Variants in BCAR3 observed in about 807,000 individuals in gnomAD.
The protein encoded by BCAR3 is breast cancer anti-estrogen resistance protein 3.
Under a neutral mutation model 80.1 loss-of-function variants are expected in BCAR3, and 37 were observed. The ratio of observed to expected loss-of-function variants is 0.46; its 90% CI spans 0.36 to 0.61. The LOEUF (loss-of-function observed/expected upper bound fraction) is 0.61, where lower values mean the gene tolerates loss of function less well. BCAR3 is among the 20% of genes least tolerant of loss of function. BCAR3 has a pLI of 0.00. For missense variants in BCAR3, 978 were observed against 1,068.2 expected (o/e 0.92, Z 1.18); for synonymous variants, 389 against 418.9 (o/e 0.93, Z 0.87).
chr1:93,790,651 ATTT>A, intron 2 of BCAR3, among the ~76,000 whole-genome samples: 1 of 83,546 alleles, frequency 1.2e-5, no homozygotes, highest in Admixed American at 1.3e-4. Context: ...TTTTTTCTTA[ATTT>A]TTTTTTTTTT....
chr1:93,593,896 CCTT>C (rs1674314704), intron 3 of BCAR3, among the ~76,000 whole-genome samples: 1 of 152,152 alleles, frequency 6.6e-6, no homozygotes, highest in Non-Finnish European at 1.5e-5. Flanking sequence ...ACTTCTCCCT[CCTT>C]CTCACTGGGC....
At chr1:93,750,257 G>A (rs1651510517) in intron 2 of BCAR3, among the ~76,000 whole-genome samples, 1 of 152,170 alleles carries the variant, frequency 6.6e-6, no homozygotes, top group Non-Finnish European at 1.5e-5. Context: ...CTGCATTTCA[G>A]GCACCAGCGA....
Position 93,562,252 on chromosome 1 carries a change from C to T in BCAR3, c.2467G>A (p.Ala823Thr). The T allele has an allele frequency of 6.2e-7, 1 of 1,613,524 alleles. No individual in the cohort carries two copies. The highest frequency in any genetic ancestry group is 8.5e-7 in the Non-Finnish European group (1 of 1,179,664). Residue 823 changes from alanine to threonine, a missense_variant, in exon 12 of 12, where the codon GCA becomes ACA. Transcript: ENST00000260502. ...RKLEPPPVKQ[A>T]EL Reference sequence around the variant, plus strand: ...TCTCTGGAGAGTTATCAAAGCTCTGCCTGCTTTACAGGAGGAGGTTCCAAT... The same window carrying T: ...TCTCTGGAGAGTTATCAAAGCTCTGTCTGCTTTACAGGAGGAGGTTCCAAT...
intron 2 of BCAR3, among the ~76,000 whole-genome samples, chr1:93,781,407 C>T (rs546752905): frequency 8.5e-5 from 13 of 152,232 alleles, no homozygotes; most frequent in Admixed American, 7.2e-4. Flanking sequence ...ATAAAGGAAC[C>T]GGGCAGCGGG....
At chr1:93,847,229 G>A (rs1655248315), upstream of BCAR3, 1 of 188,884 alleles carries the variant, frequency 5.3e-6, no homozygotes. Context: ...GACCTGGTAG[G>A]CGGGGCGCTT....
At chr1:93,569,338 C>T (rs537410958) in intron 9 of BCAR3, among the ~76,000 whole-genome samples, 1 of 152,318 alleles carries the variant, frequency 6.6e-6, no homozygotes, top group African/African-American at 2.4e-5. Context: ...ATTTACTTGG[C>T]CTTGAAGAGC....
chr1:93,568,401 G>A (rs999964754), intron 9 of BCAR3, among the ~76,000 whole-genome samples: 2 of 152,144 alleles, frequency 1.3e-5, no homozygotes, highest in Admixed American at 1.3e-4. Context: ...AGCCTGGCCT[G>A]CTGGCCAGTC....
At chr1:93,720,895 T>C (rs1428874319) in intron 2 of BCAR3, among the ~76,000 whole-genome samples, 1 of 150,586 alleles carries the variant, frequency 6.6e-6, no homozygotes, top group Non-Finnish European at 1.5e-5. Flanking sequence ...TGCGCTCTCA[T>C]GGTGTCTGCC....
chr1:93,569,462 C>T (rs1673115340), intron 9 of BCAR3, among the ~76,000 whole-genome samples: 1 of 152,174 alleles, frequency 6.6e-6, no homozygotes, highest in Non-Finnish European at 1.5e-5. Context: ...TTCTGTAGAC[C>T]CCTGCTCCCT....
intron 3 of BCAR3, among the ~76,000 whole-genome samples, chr1:93,641,988 G>A (rs1239056782): frequency 6.6e-6 from 1 of 152,090 alleles, no homozygotes; most frequent in Non-Finnish European, 1.5e-5. Flanking sequence ...TGTGATTATG[G>A]AGTGCTGACC....
chr1:93,677,921 A>G (rs956281172), intron 1 of BCAR3, among the ~76,000 whole-genome samples: 4 of 152,222 alleles, frequency 2.6e-5, no homozygotes, highest in Non-Finnish European at 4.4e-5. Flanking sequence ...ATCAGATGTG[A>G]TAACAGCTGT....
chr1:93,739,029 TCTC>T (rs1651091091), intron 2 of BCAR3, among the ~76,000 whole-genome samples: 1 of 152,100 alleles, frequency 6.6e-6, no homozygotes, highest in Non-Finnish European at 1.5e-5. Flanking sequence ...CTGCCTCTAA[TCTC>T]CTGGAATTCC....
At chr1:93,714,335 C>T (rs368778901) in intron 2 of BCAR3, among the ~76,000 whole-genome samples, 2 of 152,200 alleles carry the variant, frequency 1.3e-5, no homozygotes, top group Non-Finnish European at 2.9e-5. Flanking sequence ...CTTCCCATAT[C>T]GCCTTCTGTC....
At chr1:93,797,101 G>A (rs1653305944) in intron 2 of BCAR3, among the ~76,000 whole-genome samples, 1 of 152,150 alleles carries the variant, frequency 6.6e-6, no homozygotes, top group Non-Finnish European at 1.5e-5. Flanking sequence ...GACTGGCCAC[G>A]TTTTAGAGGC....
chr1:93,758,507 A>G (rs991728149), intron 2 of BCAR3, among the ~76,000 whole-genome samples: 4 of 152,180 alleles, frequency 2.6e-5, no homozygotes, highest in African/African-American at 7.2e-5. Context: ...AACACCCCTA[A>G]TCGGGAGCCA....
chr1:93,653,691 G>A (rs1647224607), intron 2 of BCAR3, among the ~76,000 whole-genome samples: 1 of 152,210 alleles, frequency 6.6e-6, no homozygotes, highest in South Asian at 2.1e-4. Context: ...TGGCGAGAAG[G>A]TGCCAGTGGG....
chr1:93,620,345 C>T (rs1277198395), intron 3 of BCAR3, among the ~76,000 whole-genome samples: 2 of 152,258 alleles, frequency 1.3e-5, no homozygotes, highest in Admixed American at 6.5e-5. Context: ...GCCCAGATGT[C>T]TCAGGATTGT....
At chr1:93,594,790 T>C (rs1206229355) in intron 3 of BCAR3, 2 of 152,260 alleles carry the variant, frequency 1.3e-5, no homozygotes, top group Non-Finnish European at 2.9e-5. Context: ...CAGTTCTTTG[T>C]TGAAAATTTA....
intron 2 of BCAR3, among the ~76,000 whole-genome samples, chr1:93,843,312 T>A (rs74680167): frequency 6.6e-6 from 1 of 152,344 alleles, no homozygotes; most frequent in African/African-American, 2.4e-5. Context: ...TAGCTGATGC[T>A]GTATCTGTAC....
Sources: gnomAD v4.1 joint callset for allele counts (sites outside exome capture counted in the v4.1 genomes callset) on GRCh38, gnomAD v4.1.1 for gene constraint, MANE v1.5 for transcripts, NCBI Gene and HGNC (gene_info 2026-07-23, HGNC 2026-07-21) for gene names.